The following HS6ST3 variants were observed in gnomAD, a reference collection of about 807,000 sequenced individuals.
HS6ST3 encodes the protein heparan sulfate 6-O-sulfotransferase 3, also known as heparan-sulfate 6-O-sulfotransferase 3.
In HS6ST3, 12 loss-of-function variants were observed where a neutral mutation model predicts 36.7. That is an observed-to-expected ratio of 0.33 (90% CI 0.21 to 0.53). The LOEUF is 0.53. Among genes scored for constraint, HS6ST3 ranks in the 20% least tolerant of loss-of-function variants. HS6ST3 has a pLI of 0.95. For missense variants in HS6ST3, 584 were observed against 640.9 expected (o/e 0.91, Z 0.96); for synonymous variants, 240 against 257.5 (o/e 0.93, Z 0.65).
At chr13:96,799,880 C>T (rs1414457472) in intron 1 of HS6ST3, among the ~76,000 whole-genome samples, 1 of 148,366 alleles carries the variant, frequency 6.7e-6, no homozygotes, top group Non-Finnish European at 1.5e-5. Context: ...TCCTAGTATA[C>T]AATACAACTC....
At chr13:96,618,433 T>C (rs1251850239) in intron 1 of HS6ST3, among the ~76,000 whole-genome samples, 1 of 152,142 alleles carries the variant, frequency 6.6e-6, no homozygotes, top group Non-Finnish European at 1.5e-5. Context: ...TTTTTACCTT[T>C]CTGGGCCATT....
chr13:96,194,033 G>T (rs990136423), intron 1 of HS6ST3, among the ~76,000 whole-genome samples: 1 of 152,152 alleles, frequency 6.6e-6, no homozygotes, highest in Non-Finnish European at 1.5e-5. Flanking sequence ...TGGGCTAAGC[G>T]TTTGTGATCT....
rs143800296 is a variant in HS6ST3 at position 96,641,167 on chromosome 13, T to C, written c.708-191323T>C. On this transcript the variant is annotated intron_variant, in intron 1 of 1. Transcript: ENST00000376705. ...GCAGTATGACAAATGGATTTCCTTT[T>C]GTTTGTACCATTTATGATTTTATTT... Among the ~76,000 whole-genome samples the C allele has an allele frequency of 3.5e-3, 526 of 151,898 alleles. 2 individuals are homozygous for C. The highest frequency in any genetic ancestry group is 7.7e-3 in the South Asian group (37 of 4,830).
intron 1 of HS6ST3, among the ~76,000 whole-genome samples, chr13:96,408,175 T>C (rs1287798489): frequency 6.6e-6 from 1 of 152,092 alleles, no homozygotes; most frequent in Non-Finnish European, 1.5e-5. Flanking sequence ...CTTGACCTGG[T>C]GATCTGCCCC....
chr13:96,773,962 T>C (rs748747834), intron 1 of HS6ST3, among the ~76,000 whole-genome samples: 1 of 152,204 alleles, frequency 6.6e-6, no homozygotes, highest in Non-Finnish European at 1.5e-5. Context: ...CCTTCTGGGA[T>C]GAAGCTTCCA....
intron 1 of HS6ST3, among the ~76,000 whole-genome samples, chr13:96,237,794 T>C (rs1415478073): frequency 3.3e-5 from 5 of 152,224 alleles, no homozygotes; most frequent in African/African-American, 1.2e-4. Flanking sequence ...CTGGGTTTAG[T>C]TGACCACTTC....
intron 1 of HS6ST3, among the ~76,000 whole-genome samples, chr13:96,131,616 C>G (rs766497121): frequency 6.6e-6 from 1 of 152,052 alleles, no homozygotes; most frequent in Non-Finnish European, 1.5e-5. Flanking sequence ...TTGTTATTAA[C>G]TATAGTCACT....
At chr13:96,505,730 A>G (rs536990166) in intron 1 of HS6ST3, among the ~76,000 whole-genome samples, 6 of 152,160 alleles carry the variant, frequency 3.9e-5, no homozygotes, top group Admixed American at 3.9e-4. Flanking sequence ...TCCTTTCATA[A>G]GCACACAGAG....
At chr13:96,539,417 G>A (rs1259420481) in intron 1 of HS6ST3, among the ~76,000 whole-genome samples, 3 of 151,832 alleles carry the variant, frequency 2.0e-5, no homozygotes, top group African/African-American at 7.3e-5. Context: ...GTGCAGTGGT[G>A]AGATCTCCAC....
intron 1 of HS6ST3, among the ~76,000 whole-genome samples, chr13:96,786,545 TG>T (rs1877657407): frequency 6.6e-6 from 1 of 152,158 alleles, no homozygotes; most frequent in Non-Finnish European, 1.5e-5. Context: ...AATTCAGGCT[TG>T]CCCCTAAATC....
chr13:96,593,020 C>T (rs1299399843), intron 1 of HS6ST3, among the ~76,000 whole-genome samples: 1 of 151,874 alleles, frequency 6.6e-6, no homozygotes, highest in African/African-American at 2.4e-5. Context: ...TTTAAGTAAA[C>T]TTTTTACCCC....
chr13:96,408,616 G>T (rs181901984), intron 1 of HS6ST3, among the ~76,000 whole-genome samples: 100 of 152,170 alleles, frequency 6.6e-4, no homozygotes, highest in Admixed American at 3.3e-3. Flanking sequence ...GATGAACACA[G>T]AAGCAAGACA....
chr13:96,090,504 C>A lies in HS6ST3; in HGVS notation c.-359C>A, dbSNP rs2053755267. On this transcript the variant is annotated 5_prime_UTR_variant, in exon 1 of 2. Transcript: ENST00000376705. The stretch of plus-strand genomic sequence containing the variant: ...AGGTCCAGGACCCGAACCCCGCTCC[C>A]CAGCGCCTGAGCGCCTGCAAGCCGC... Among the ~76,000 whole-genome samples the A allele has an allele frequency of 6.8e-6, 1 of 146,560 alleles. No homozygotes were observed. Among genetic ancestry groups the A allele is most frequent in the African/African-American group, 2.4e-5 (1 of 40,892 alleles).
intron 1 of HS6ST3, among the ~76,000 whole-genome samples, chr13:96,116,801 T>G (rs1202549369): frequency 6.6e-6 from 1 of 152,116 alleles, no homozygotes; most frequent in East Asian, 1.9e-4. Context: ...AAACCACTGT[T>G]TTGTTGTGAT....
intron 1 of HS6ST3, among the ~76,000 whole-genome samples, chr13:96,464,995 CA>C (rs1387618677): frequency 1.4e-5 from 2 of 145,544 alleles, no homozygotes; most frequent in African/African-American, 5.1e-5. Flanking sequence ...TGTGCATGCC[CA>C]CACACGAGGA....
chr13:96,384,931 G>C (rs1002772422), intron 1 of HS6ST3, among the ~76,000 whole-genome samples: 10 of 152,156 alleles, frequency 6.6e-5, no homozygotes, highest in African/African-American at 2.4e-4. Flanking sequence ...TGTAATCCCA[G>C]CACTTTGGGA....
intron 1 of HS6ST3, among the ~76,000 whole-genome samples, chr13:96,557,706 G>A (rs72642764): frequency 0.055 from 8,389 of 152,286 alleles, 294 homozygotes; most frequent in Middle Eastern, 0.095. Context: ...GGTAGTTTAT[G>A]CCTTCAAGAC....
chr13:96,289,099 C>T (rs1333038401), intron 1 of HS6ST3, among the ~76,000 whole-genome samples: 1 of 151,582 alleles, frequency 6.6e-6, no homozygotes, highest in Non-Finnish European at 1.5e-5. Context: ...AACAAGAAAG[C>T]CACAGAATTT....
At position 96,665,822 on chromosome 13, in the gene HS6ST3, A is replaced by C. The variant is rs9554357; in HGVS notation, c.708-166668A>C. 0.023 allele frequency among the ~76,000 whole-genome samples: 3,454 copies of C among 152,240 alleles called. 245 individuals are homozygous for C. The East Asian group carries it at 0.3, about 13-fold the overall frequency. On this transcript the variant is annotated intron_variant, in intron 1 of 1. Transcript: ENST00000376705. ...AATACTTTAAGTCTTGTTATTACTC[A>C]TGGTAGCTCTAGTTATTATTACCTC...
Sources: gnomAD v4.1 joint callset for allele counts (sites outside exome capture counted in the v4.1 genomes callset) on GRCh38, gnomAD v4.1.1 for gene constraint, MANE v1.5 for transcripts, NCBI Gene and HGNC (gene_info 2026-07-23, HGNC 2026-07-21) for gene names.